Variants in LRP1B observed in about 807,000 individuals in gnomAD.
LRP1B encodes the protein LDL receptor related protein 1B.
A neutral mutation model predicts 556.6 loss-of-function variants in LRP1B; 217 were observed. The ratio of observed to expected loss-of-function variants is 0.39; its 90% CI spans 0.35 to 0.44. The LOEUF is 0.44. Among genes scored for constraint, LRP1B ranks in the 20% least tolerant of loss-of-function variants. LRP1B has a pLI of 1.00. For synonymous variants in LRP1B, 2,047 were observed against 1,865.8 expected, an observed-to-expected ratio of 1.10 and a Z score of -2.50; for missense variants, 5,053 against 5,620.8, an observed-to-expected ratio of 0.90 and a Z score of 3.23.
chr2:140,525,980 G>A lies in LRP1B; in HGVS notation c.7890C>T (p.Cys2630=), dbSNP rs2104968129. Residue 2630 remains cysteine, a synonymous_variant, in exon 49 of 91, where the codon TGC becomes TGT. Coordinates refer to ENST00000389484, the MANE Select transcript of LRP1B (RefSeq NM_018557.3). The stretch of plus-strand genomic sequence containing the variant: ...TCACTCCAAGCTTATAGAAATGTGT[G>A]CAGTCTGTGTTATCTAGAAGAAGGT... ...SDEKNCNNTD[C]THFYKLGVKT... is the part of the protein sequence containing the mutation. 1.9e-6 allele frequency: 3 copies of A among 1,611,952 alleles called. No homozygotes were observed. The highest frequency in any genetic ancestry group is 2.5e-6 in the Non-Finnish European group (3 of 1,178,766).
At chr2:140,812,781 A>G (rs2105033743) in intron 32 of LRP1B, among the ~76,000 whole-genome samples, 1 of 152,162 alleles carries the variant, frequency 6.6e-6, no homozygotes, top group African/African-American at 2.4e-5. Flanking sequence ...CACAATATTC[A>G]GAATTATAAA....
Position 140,950,338 on chromosome 2 carries a change from G to A in LRP1B, c.3033C>T (p.Phe1011=). ...GGATGCATCTGCCACTGGAACATCT[G>A]AACTGATTATCAAAGCAAGAGTGAA... ...GCVHSCFDNQ[F]RCSSGRCIPG... Residue 1011 remains phenylalanine (F), a synonymous_variant, in exon 20 of 91, where the codon TTC becomes TTT. Coordinates refer to ENST00000389484, the MANE Select transcript of LRP1B (RefSeq NM_018557.3). 6.2e-7 allele frequency: 1 copy of A among 1,612,806 alleles called. No homozygotes were observed. The highest frequency in any genetic ancestry group is 8.5e-7 in the Non-Finnish European group (1 of 1,179,448).
chr2:142,124,198 C>T (rs889878990), intron 1 of LRP1B, among the ~76,000 whole-genome samples: 1 of 151,808 alleles, frequency 6.6e-6, no homozygotes, highest in Non-Finnish European at 1.5e-5. Flanking sequence ...TCCCACCCTC[C>T]CCCTTGAGTA....
chr2:140,736,500 A>C (rs1216309640), intron 35 of LRP1B, among the ~76,000 whole-genome samples: 1 of 152,172 alleles, frequency 6.6e-6, no homozygotes, highest in Non-Finnish European at 1.5e-5. Flanking sequence ...ACAGTAACTA[A>C]AACAGCATGG....
chr2:140,701,721 C>A lies in LRP1B; in HGVS notation c.6427G>T (p.Gly2143Trp), dbSNP rs2105425683. 6.2e-7 allele frequency: 1 copy of A among 1,611,276 alleles called. No individual in the cohort carries two copies. The change falls in exon 40 of 91, where the codon GGG (glycine) becomes TGG (tryptophan). Residue 2143 changes from glycine (G) to tryptophan (W), a missense_variant and splice_region_variant. Physicochemically the swap from Gly to Trp is radical, Grantham distance 184. Around this residue, in one of 5 missense-constraint regions of LRP1B, gnomAD observed 3,619 missense variants for 3,931.9 expected, o/e 0.92. Coordinates refer to ENST00000389484, the MANE Select transcript of LRP1B (RefSeq NM_018557.3). Reference protein sequence around the residue: ...VKIFNRVREKGTNVCARDNGG... With the variant: ...VKIFNRVREKWTNVCARDNGG... ...TATGTATTCTTTCAAGAGTGCTGAC[C>A]TTTCTCTCTTACTCGGTTAAATATT...
intron 2 of LRP1B, among the ~76,000 whole-genome samples, chr2:141,669,063 T>C (rs911658378): frequency 6.6e-6 from 1 of 152,176 alleles, no homozygotes; most frequent in Non-Finnish European, 1.5e-5. Context: ...AAAATTCATA[T>C]ATTCAAGTTC....
chr2:141,717,479 C>G (rs1318058921), intron 2 of LRP1B, among the ~76,000 whole-genome samples: 1 of 152,206 alleles, frequency 6.6e-6, no homozygotes, highest in Non-Finnish European at 1.5e-5. Flanking sequence ...GTGGCAGCAT[C>G]AGTTCTTGCC....
chr2:140,324,195 T>TACAATATTAGCTATGAAGTTCTTAG (rs1680326496), intron 80 of LRP1B, 129 bp from the exon 81 acceptor site: 1 of 535,040 alleles, frequency 1.9e-6, no homozygotes, highest in Admixed American at 3.3e-5. Context: ...TTGGAATATT[T>TACAATATTAGCTATGAAGTTCTTAG]ACAATATTAG....
At chr2:141,465,880 T>C (rs935713414) in intron 3 of LRP1B, among the ~76,000 whole-genome samples, 1 of 150,364 alleles carries the variant, frequency 6.7e-6, no homozygotes, top group Non-Finnish European at 1.5e-5. Context: ...AGGTATGTTT[T>C]TTTTTATTAC....
At chr2:140,504,773 C>T (rs963901496) in intron 53 of LRP1B, among the ~76,000 whole-genome samples, 1 of 152,138 alleles carries the variant, frequency 6.6e-6, no homozygotes, top group African/African-American at 2.4e-5. Flanking sequence ...ACATTCTGTA[C>T]CTTCCACTCC....
intron 27 of LRP1B, among the ~76,000 whole-genome samples, chr2:140,856,375 T>C (rs1448312583): frequency 6.6e-6 from 1 of 151,968 alleles, no homozygotes; most frequent in Non-Finnish European, 1.5e-5. Flanking sequence ...TAATTATTGC[T>C]TTTACACAGC....
At chr2:141,543,382 G>A (rs1685336082) in intron 2 of LRP1B, among the ~76,000 whole-genome samples, 1 of 151,514 alleles carries the variant, frequency 6.6e-6, no homozygotes, top group Admixed American at 6.6e-5. Flanking sequence ...AGGCATGACA[G>A]TATGCACCTG....
At chr2:141,927,370 A>T (rs1162508360) in intron 1 of LRP1B, among the ~76,000 whole-genome samples, 1 of 152,160 alleles carries the variant, frequency 6.6e-6, no homozygotes, top group Non-Finnish European at 1.5e-5. Context: ...GAATTTTTAA[A>T]AAGTAAACGA....
chr2:141,517,279 C>CACACAT (rs1684360122), intron 2 of LRP1B, among the ~76,000 whole-genome samples: 1 of 151,356 alleles, frequency 6.6e-6, no homozygotes. Context: ...CACAGACACA[C>CACACAT]ACACACACAC....
At chr2:141,706,279 T>G (rs1017479120) in intron 2 of LRP1B, among the ~76,000 whole-genome samples, 1 of 152,174 alleles carries the variant, frequency 6.6e-6, no homozygotes, top group South Asian at 2.1e-4. Flanking sequence ...TGCCTTTTGA[T>G]TGGATTGTCT....
At chr2:141,072,002 A>G (rs1412932464) in intron 7 of LRP1B, among the ~76,000 whole-genome samples, 1 of 152,086 alleles carries the variant, frequency 6.6e-6, no homozygotes, top group Non-Finnish European at 1.5e-5. Context: ...TGGAAAAACT[A>G]CTTTAAAGTT....
At chr2:140,313,722 C>T (rs1231828732) in intron 83 of LRP1B, among the ~76,000 whole-genome samples, 1 of 151,764 alleles carries the variant, frequency 6.6e-6, no homozygotes, top group Non-Finnish European at 1.5e-5. Flanking sequence ...ATTCCTTGAA[C>T]CTGAATTCTT....
intron 7 of LRP1B, among the ~76,000 whole-genome samples, chr2:141,162,428 C>G (rs984628283): frequency 6.6e-6 from 1 of 151,992 alleles, no homozygotes; most frequent in African/African-American, 2.4e-5. Flanking sequence ...ATGCAAACAA[C>G]CTGGTGCTGC....
At chr2:142,121,690 GTTAT>G (rs113376106) in intron 1 of LRP1B, among the ~76,000 whole-genome samples, 17,999 of 152,054 alleles carry the variant, frequency 0.12, 1,444 homozygotes, top group Non-Finnish European at 0.16. Flanking sequence ...TAGCAAGGAT[GTTAT>G]TTATTTATTT....
Sources: gnomAD v4.1 joint callset for allele counts (sites outside exome capture counted in the v4.1 genomes callset) on GRCh38, gnomAD v4.1.1 for gene constraint, gnomAD v4.1.1 regional missense constraint, MANE v1.5 for transcripts, NCBI Gene and HGNC (gene_info 2026-07-23, HGNC 2026-07-21) for gene names.